UBE2O: variants seen among roughly 807,000 people sequenced by gnomAD.
UBE2O encodes (E3-independent) E2 ubiquitin-conjugating enzyme.
A neutral mutation model predicts 125.8 loss-of-function variants in UBE2O; 15 were observed. The ratio of observed to expected loss-of-function variants is 0.12; its 90% CI spans 0.08 to 0.18. UBE2O has a LOEUF of 0.18. UBE2O is among the 10% of genes least tolerant of loss of function. The pLI, the probability that UBE2O is intolerant of heterozygous loss-of-function variation, is 1.00. For synonymous variants in UBE2O, 708 were observed against 703.2 expected (o/e 1.01, Z -0.11); for missense variants, 1,280 against 1,723.6 (o/e 0.74, Z 4.56).
chr17:76,414,752 G>T lies in UBE2O; in HGVS notation c.418-9180C>A, dbSNP rs138639662. Reference sequence around the variant, plus strand: ...ACTGCAGAGCTTGGCCTGGCAGGGGGCCAGCGGGCTGGTCTCTGCAGATGC... The same window carrying T: ...ACTGCAGAGCTTGGCCTGGCAGGGGTCCAGCGGGCTGGTCTCTGCAGATGC... On this transcript the variant is annotated intron_variant, in intron 1 of 17. Transcript: ENST00000319380. 6.8e-4 allele frequency among the ~76,000 whole-genome samples: 103 copies of T among 152,346 alleles called. No individual in the cohort carries two copies. In the Middle Eastern group the frequency reaches 0.01, roughly 15 times the overall value.
chr17:76,440,832 TGAA>T (rs1165111228), intron 1 of UBE2O, among the ~76,000 whole-genome samples: 2 of 152,220 alleles, frequency 1.3e-5, no homozygotes, highest in Non-Finnish European at 2.9e-5. Flanking sequence ...TGAGTTGTTG[TGAA>T]GGAGACAGTA....
At position 76,410,088 on chromosome 17, in the gene UBE2O, G is replaced by A. The variant is rs1301805284; in HGVS notation, c.418-4516C>T. ...CTGGGTGGGGTGACTGGCACAGGCC[G>A]GCAAGGCTTCAAGAAGGCAGAAGGC... On this transcript the variant is annotated intron_variant, in intron 1 of 17. Coordinates refer to ENST00000319380, the MANE Select transcript of UBE2O (RefSeq NM_022066.4). This position sits in a 1 kb window ranked among gnomAD's most constrained non-coding sequence, Gnocchi z 4.0. Among the ~76,000 whole-genome samples, 1 of 152,094 alleles carries A rather than the reference G, an allele frequency of 6.6e-6. No homozygotes were observed. Among genetic ancestry groups the A allele is most frequent in the Admixed American group, 6.6e-5 (1 of 15,260 alleles).
In UBE2O at chr17:76,400,900, A is replaced by G; in HGVS notation, c.894+111T>C. The G allele has an allele frequency of 1.5e-6, 2 of 1,331,900 alleles. No individual in the cohort carries two copies. The highest frequency in any genetic ancestry group is 4.9e-5 in the East Asian group (2 of 41,096). 82.5% of individuals were successfully genotyped at this position (1,331,900 alleles called of 1,614,324 possible). A position where few individuals can be genotyped will look rare whatever the true frequency, so the allele number is the denominator to read the frequency against. ...GCCCTTTGAGATCAACAGGGTCCAG[A>G]TGCTGAGGAGCGGGGCTCAACCCTC... On this transcript the variant is annotated intron_variant, in intron 6 of 17. Coordinates refer to ENST00000319380, the MANE Select transcript of UBE2O (RefSeq NM_022066.4). The surrounding 1 kb of genome is among the most constrained non-coding windows in gnomAD (Gnocchi z 4.3).
chr17:76,402,092 T>C lies in UBE2O; in HGVS notation c.722A>G (p.Tyr241Cys). The C allele has an allele frequency of 6.2e-7, 1 of 1,613,698 alleles. No homozygotes were observed. Among genetic ancestry groups the C allele is most frequent in the Non-Finnish European group, 8.5e-7 (1 of 1,179,998 alleles). Residue 241 changes from tyrosine (Y) to cysteine (C), a missense_variant, in exon 5 of 18, where the codon TAC becomes TGC. Coordinates refer to ENST00000319380, the MANE Select transcript of UBE2O (RefSeq NM_022066.4). This position sits in a 1 kb window ranked among gnomAD's most constrained non-coding sequence, Gnocchi z 5.4. ...GTCGCTGACGTGCGGGCAGACGTCG[T>C]AGAGCTTGGCGCCATCTTCCGTGTT... ...SMNTEDGAKL[Y>C]DVCPHVSDSG...
chr17:76,421,662 G>A (rs888181631), intron 1 of UBE2O, among the ~76,000 whole-genome samples: 8 of 152,212 alleles, frequency 5.3e-5, no homozygotes, highest in Non-Finnish European at 1.0e-4. Flanking sequence ...ACCACGCCCG[G>A]CCCTGAGTGA....
chr17:76,438,767 G>A (rs2073037550), intron 1 of UBE2O, among the ~76,000 whole-genome samples: 1 of 152,174 alleles, frequency 6.6e-6, no homozygotes, highest in Admixed American at 6.5e-5. Context: ...CACTGGAACA[G>A]ATCACTGCTT....
At chr17:76,438,570 C>G (rs1475681744) in intron 1 of UBE2O, among the ~76,000 whole-genome samples, 2 of 152,180 alleles carry the variant, frequency 1.3e-5, no homozygotes, top group Admixed American at 1.3e-4. Flanking sequence ...CTTCTCCAAC[C>G]ACCTCACCTT....
chr17:76,451,697 C>T (rs2143940311), intron 1 of UBE2O, among the ~76,000 whole-genome samples: 1 of 152,144 alleles, frequency 6.6e-6, no homozygotes, highest in Middle Eastern at 3.4e-3. Context: ...CCTAAAACAG[C>T]GTAGGCCTGA....
At position 76,396,751 on chromosome 17, in the gene UBE2O, G is replaced by A. The variant is rs1252941467; in HGVS notation, c.2186C>T (p.Ala729Val). The change falls in exon 14 of 18, where the codon GCA becomes GTA. Residue 729 changes from alanine to valine, a missense_variant. Ala to Val is a moderately conservative substitution (Grantham distance 64). Around this residue, in one of 10 missense-constraint regions of UBE2O, gnomAD observed 210 missense variants for 268.9 expected, o/e 0.78. Transcript: ENST00000319380. The surrounding 1 kb of genome is among the most constrained non-coding windows in gnomAD (Gnocchi z 6.7). ...ATCATCTTCCCATTCATCCGAGGAT[G>A]CCCCGCTGGTGCTGCCTTCTACCGA... ...YDSVEGSTSG[A>V]SSDEWEDDSD... 6.2e-7 allele frequency: 1 copy of A among 1,613,720 alleles called. No homozygotes were observed. Among genetic ancestry groups the A allele is most frequent in the African/African-American group, 1.3e-5 (1 of 74,906 alleles).
chr17:76,433,268 C>T (rs1221715004), intron 1 of UBE2O, among the ~76,000 whole-genome samples: 2 of 150,920 alleles, frequency 1.3e-5, no homozygotes, highest in East Asian at 1.9e-4. Flanking sequence ...ACAATAAAAA[C>T]AAATGAAGTA....
chr17:76,397,444 C>T (rs1383419231), intron 13 of UBE2O, among the ~76,000 whole-genome samples: 8 of 152,144 alleles, frequency 5.3e-5, no homozygotes, highest in East Asian at 1.9e-4. Context: ...CCTTTCTCTC[C>T]TTCTCTGTTA....
At chr17:76,411,855 A>AT (rs375915007) in intron 1 of UBE2O, among the ~76,000 whole-genome samples, 13 of 151,364 alleles carry the variant, frequency 8.6e-5, no homozygotes, top group South Asian at 4.2e-4. Context: ...GGCTAATTTT[A>AT]TTTTTTTTGT....
Position 76,397,786 on chromosome 17 carries a change from G to A in UBE2O, c.2115+13C>T. On this transcript the variant is annotated intron_variant, in intron 13 of 17. Coordinates refer to ENST00000319380, the MANE Select transcript of UBE2O (RefSeq NM_022066.4). The stretch of plus-strand genomic sequence containing the variant: ...GTCACAAGCTCAGCAGGGGGGTCTT[G>A]CCAGAGCCTCACCTGGGGCAGGATG... 7 of 1,613,788 alleles carry A rather than the reference G, an allele frequency of 4.3e-6. No individual in the cohort carries two copies. The highest frequency in any genetic ancestry group is 5.9e-6 in the Non-Finnish European group (7 of 1,179,718).
chr17:76,436,375 T>C (rs1330419240), intron 1 of UBE2O, among the ~76,000 whole-genome samples: 3 of 152,206 alleles, frequency 2.0e-5, no homozygotes, highest in Admixed American at 2.0e-4. Flanking sequence ...ACCTTTCCTA[T>C]GTCCTTGCAC....
At chr17:76,430,100 T>A (rs2072880428) in intron 1 of UBE2O, among the ~76,000 whole-genome samples, 1 of 152,188 alleles carries the variant, frequency 6.6e-6, no homozygotes, top group African/African-American at 2.4e-5. Context: ...AAAGTGCTTT[T>A]CCTTGGTGTT....
intron 15 of UBE2O, among the ~76,000 whole-genome samples, chr17:76,392,845 C>T (rs1346426072): frequency 1.3e-5 from 2 of 151,666 alleles, no homozygotes; most frequent in Non-Finnish European, 2.9e-5. Context: ...CCCAGCTACT[C>T]GGGAGGCTGA....
chr17:76,416,294 C>T (rs1255225317), intron 1 of UBE2O, among the ~76,000 whole-genome samples: 3 of 151,876 alleles, frequency 2.0e-5, no homozygotes, highest in African/African-American at 7.3e-5. Context: ...GACTGGCAGC[C>T]CAGCATCTTC....
chr17:76,409,952 A>G (rs1242355131), intron 1 of UBE2O, among the ~76,000 whole-genome samples: 1 of 152,198 alleles, frequency 6.6e-6, no homozygotes, highest in African/African-American at 2.4e-5. Context: ...AGCACAGTGA[A>G]GAATTTTAAA....
chr17:76,400,443 G>T lies in UBE2O; in HGVS notation c.1002C>A (p.Gly334=), dbSNP rs1328055616. The change falls in exon 7 of 18, where the codon GGC becomes GGA. Residue 334 remains glycine (G), a splice_region_variant and synonymous_variant. Transcript: ENST00000319380. This position sits in a 1 kb window ranked among gnomAD's most constrained non-coding sequence, Gnocchi z 4.3. ...PPSVITQENL[G]RVKRLGCFDH... is the part of the protein sequence containing the mutation. ...GCTGGCAGTAAGGGCATGCTTACCTGCCTAGGTTTTCCTGGGTGATGACAG... is the reference window on the plus strand; with the variant it reads ...GCTGGCAGTAAGGGCATGCTTACCTTCCTAGGTTTTCCTGGGTGATGACAG... 1 of 1,610,580 alleles carries T rather than the reference G, an allele frequency of 6.2e-7. No individual in the cohort carries two copies. The highest frequency in any genetic ancestry group is 1.1e-5 in the South Asian group (1 of 90,614).
Sources: gnomAD v4.1 joint callset for allele counts (sites outside exome capture counted in the v4.1 genomes callset) on GRCh38, gnomAD v4.1.1 for gene constraint, gnomAD v4.1.1 regional missense constraint, Gnocchi (gnomAD v3.1) non-coding constraint, MANE v1.5 for transcripts, NCBI Gene and HGNC (gene_info 2026-07-23, HGNC 2026-07-21) for gene names.